Variants in ELN observed in about 807,000 individuals in gnomAD.
ELN encodes the protein tropoelastin.
In ELN, 65 loss-of-function variants were observed where a neutral mutation model predicts 105.8. The ratio of observed to expected loss-of-function variants is 0.61; its 90% CI spans 0.50 to 0.75. The LOEUF (loss-of-function observed/expected upper bound fraction) is 0.75, where lower values mean the gene tolerates loss of function less well. Ranked by LOEUF, ELN falls within the 30% of genes least tolerant of loss-of-function variation. ELN has a pLI of 0.00. For missense variants in ELN, 882 were observed against 969.4 expected (o/e 0.91, Z 1.20); for synonymous variants, 368 against 389.2 (o/e 0.95, Z 0.64).
intron 3 of ELN, among the ~76,000 whole-genome samples, chr7:74,036,841 G>C (rs924998732): frequency 3.9e-5 from 6 of 152,120 alleles, no homozygotes; most frequent in Non-Finnish European, 8.8e-5. Flanking sequence ...AGGACGGGGG[G>C]ACAGAGTCTC....
chr7:74,067,574 T>C (rs1486699544), intron 32 of ELN, among the ~76,000 whole-genome samples: 17 of 151,810 alleles, frequency 1.1e-4, no homozygotes, highest in African/African-American at 3.9e-4. Context: ...CCGTCTCTAC[T>C]AAAAATACAA....
chr7:74,057,523 C>T (rs1554681020), intron 21 of ELN, 117 bp from the exon 22 acceptor site: 1 of 1,604,608 alleles, frequency 6.2e-7, no homozygotes, highest in African/African-American at 1.3e-5. Context: ...GGAAGGGTCC[C>T]TGGAGTTGAC....
chr7:74,054,419 G>A, intron 18 of ELN, among the ~76,000 whole-genome samples: 1 of 151,124 alleles, frequency 6.6e-6, no homozygotes, highest in East Asian at 1.9e-4. Flanking sequence ...GCAGTGAGCT[G>A]AGATCGCGCT....
intron 8 of ELN, chr7:74,043,599 G>T: frequency 1.6e-6 from 1 of 638,592 alleles, no homozygotes. Context: ...CTACGCAGCA[G>T]GGAGGGACAT....
At position 74,053,210 on chromosome 7, in the gene ELN, G is replaced by C; in HGVS notation, c.997G>C (p.Val333Leu). Residue 333 changes from valine to leucine, a missense_variant, in exon 18 of 33, where the codon GTA (valine) becomes CTA (leucine). Transcript: ENST00000252034. ...TGGTGGGCCAGGCTTTGGCCCGGGAGTAGTTGGTGTCCCAGGAGCTGGCGT... is the reference window on the plus strand; with the variant it reads ...TGGTGGGCCAGGCTTTGGCCCGGGACTAGTTGGTGTCCCAGGAGCTGGCGT... ...VPGGPGFGPG[V>L]VGVPGAGVPG... 6.2e-7 allele frequency: 1 copy of C among 1,614,214 alleles called. No homozygotes were observed. The highest frequency in any genetic ancestry group is 1.1e-5 in the South Asian group (1 of 91,084).
rs1244532526 is a variant in ELN, at chr7:74,043,288, C to T, written c.427+120C>T. ...AGGAAGGGCAGGGCCTGGCTTCAGT[C>T]GGGCAGAGAAACTAGCCAGGCTGGT... On this transcript the variant is annotated intron_variant, in intron 8 of 32. Transcript: ENST00000252034. The T allele has an allele frequency of 2.3e-5, 33 of 1,444,098 alleles. No individual in the cohort carries two copies. The East Asian group carries it at 3.0e-4, about 13-fold the overall frequency. 89.5% of individuals were successfully genotyped at this position (1,444,098 alleles called of 1,614,324 possible).
At chr7:74,043,846 G>A (rs368107891) in intron 8 of ELN, 33 bp from the exon 9 acceptor site, 3 of 1,613,254 alleles carry the variant, frequency 1.9e-6, no homozygotes, top group Non-Finnish European at 2.5e-6. Flanking sequence ...AGGCTGAGCT[G>A]CTGCTAGTAA....
intron 15 of ELN, 96 bp downstream of exon 15, chr7:74,048,652 A>T: frequency 6.8e-7 from 1 of 1,472,228 alleles, no homozygotes; most frequent in South Asian, 1.2e-5. Flanking sequence ...TGGCCCCTAC[A>T]TACCCCCATT....
At chr7:74,054,242 C>T (rs1354986114) in intron 18 of ELN, among the ~76,000 whole-genome samples, 5 of 151,830 alleles carry the variant, frequency 3.3e-5, no homozygotes, top group African/African-American at 9.7e-5. Context: ...CCAAGGTGGG[C>T]GGATCACCTG....
chr7:74,050,281 C>A (rs1372472733), intron 15 of ELN, among the ~76,000 whole-genome samples: 1 of 151,426 alleles, frequency 6.6e-6, no homozygotes, highest in Non-Finnish European at 1.5e-5. Context: ...CTCTATCCAT[C>A]CACTCATCCA....
chr7:74,039,890 G>A (rs1310717016), intron 4 of ELN, among the ~76,000 whole-genome samples: 3 of 152,236 alleles, frequency 2.0e-5, no homozygotes, highest in African/African-American at 7.2e-5. Flanking sequence ...AGCAGCAGCA[G>A]GGTCTGAATC....
chr7:74,047,640 G>A (rs998478067), intron 12 of ELN, 35 bp from the exon 13 acceptor site: 1 of 1,613,956 alleles, frequency 6.2e-7, no homozygotes, highest in Non-Finnish European at 8.5e-7. Context: ...GCAAGGCATG[G>A]GGCAGCCCCT....
intron 32 of ELN, 45 bp downstream of exon 32, chr7:74,066,821 C>A (rs1332294053): frequency 6.3e-6 from 10 of 1,591,580 alleles, no homozygotes; most frequent in Non-Finnish European, 7.8e-6. Flanking sequence ...GGAGCTGCAG[C>A]CACCTCCTCC....
chr7:74,065,234 G>A (rs916775378), intron 29 of ELN, among the ~76,000 whole-genome samples: 5 of 152,082 alleles, frequency 3.3e-5, no homozygotes, highest in African/African-American at 1.2e-4. Context: ...GGGCAACAGA[G>A]CAAGAAGCTG....
In ELN at chr7:74,061,142, G is replaced by T. The variant is rs782178277; in HGVS notation, c.1786+3G>T. The T allele has an allele frequency of 6.2e-6, 10 of 1,614,120 alleles. No homozygotes were observed. Among genetic ancestry groups the T allele is most frequent in the Non-Finnish European group, 8.5e-6 (10 of 1,180,038 alleles). ...TGCCGCTAAAGCAGCCAAATATGGT[G>T]AGTGCACCCCACAACCACTTGTGGC... On this transcript the variant is annotated splice_donor_region_variant and intron_variant, in intron 26 of 32. Coordinates refer to ENST00000252034, the MANE Select transcript of ELN (RefSeq NM_000501.4).
intron 22 of ELN, among the ~76,000 whole-genome samples, chr7:74,058,712 C>A (rs1012403358): frequency 6.6e-6 from 1 of 152,158 alleles, no homozygotes; most frequent in Non-Finnish European, 1.5e-5. Flanking sequence ...CTGGCAGCCC[C>A]AGGTGCCCAC....
intron 10 of ELN, chr7:74,045,892 G>A (rs1792371607): frequency 6.8e-6 from 3 of 443,848 alleles, no homozygotes; most frequent in African/African-American, 4.0e-5. Flanking sequence ...AAAATTAGCT[G>A]GGCGTGGTGG....
At chr7:74,040,085 G>T (rs1167980031) in intron 4 of ELN, among the ~76,000 whole-genome samples, 1 of 152,174 alleles carries the variant, frequency 6.6e-6, no homozygotes, top group Non-Finnish European at 1.5e-5. Flanking sequence ...CACATGACAG[G>T]ATGCTCAGGC....
At chr7:74,041,628 G>A (rs572414207) in intron 5 of ELN, among the ~76,000 whole-genome samples, 1 of 152,148 alleles carries the variant, frequency 6.6e-6, no homozygotes, top group Non-Finnish European at 1.5e-5. Flanking sequence ...GATCCCTTGA[G>A]CCCAGGAGGC....
Sources: gnomAD v4.1 joint callset for allele counts (sites outside exome capture counted in the v4.1 genomes callset) on GRCh38, gnomAD v4.1.1 for gene constraint, MANE v1.5 for transcripts, NCBI Gene and HGNC (gene_info 2026-07-23, HGNC 2026-07-21) for gene names.